The following NECAB1 variants were observed in gnomAD, a reference collection of about 807,000 sequenced individuals.
NECAB1 encodes N-terminal EF-hand calcium binding protein 1.
NECAB1 carries 29 observed loss-of-function variants against 57.5 expected under a neutral mutation model. The ratio of observed to expected loss-of-function variants is 0.50; its 90% CI spans 0.38 to 0.69. The LOEUF (loss-of-function observed/expected upper bound fraction) is 0.69. NECAB1 is among the 30% of genes least tolerant of loss of function. The pLI, the probability that NECAB1 is intolerant of heterozygous loss-of-function variation, is 0.00. For missense variants in NECAB1, 372 were observed against 413.8 expected (o/e 0.90, Z 0.88); for synonymous variants, 142 against 147.7 (o/e 0.96, Z 0.28).
chr8:90,951,243 G>C, intron 12 of NECAB1, 39 bp downstream of exon 12: 1 of 1,242,460 alleles, frequency 8.0e-7, no homozygotes, highest in Non-Finnish European at 1.1e-6. Flanking sequence ...GTGTCCTTTT[G>C]TATTTTTGTT....
chr8:90,927,135 T>A (rs1158193449), intron 7 of NECAB1, among the ~76,000 whole-genome samples: 3 of 151,082 alleles, frequency 2.0e-5, no homozygotes, highest in South Asian at 4.2e-4. Context: ...TATTAGAATT[T>A]AAAAAAAACA....
chr8:90,917,069 G>A (rs112715271), intron 5 of NECAB1, among the ~76,000 whole-genome samples: 1 of 152,084 alleles, frequency 6.6e-6, no homozygotes, highest in Admixed American at 6.6e-5. Flanking sequence ...CTGAAACATG[G>A]TTGCATTTTG....
chr8:90,791,922 C>T lies in NECAB1; in HGVS notation c.36C>T (p.Asn12=). ...EDSQETSPSS[N]NSSEELSSAL... ...CCCAGGAGACATCGCCGTCCTCCAACAACTCCTCGGAGGAGCTCAGCTCTG... is the reference window on the plus strand; with the variant it reads ...CCCAGGAGACATCGCCGTCCTCCAATAACTCCTCGGAGGAGCTCAGCTCTG... The change falls in exon 1 of 13, where the codon AAC becomes AAT. Residue 12 remains asparagine, a synonymous_variant. Coordinates refer to ENST00000417640, the MANE Select transcript of NECAB1 (RefSeq NM_022351.5). 4.5e-6 allele frequency: 7 copies of T among 1,552,498 alleles called. No homozygotes were observed. Among genetic ancestry groups the T allele is most frequent in the Non-Finnish European group, 6.1e-6 (7 of 1,147,534 alleles).
chr8:90,898,584 C>CA (rs1809420495), intron 5 of NECAB1, among the ~76,000 whole-genome samples: 2 of 152,108 alleles, frequency 1.3e-5, no homozygotes, highest in South Asian at 4.1e-4. Context: ...TTCCAATACC[C>CA]CTGTCTTCTT....
intron 10 of NECAB1, among the ~76,000 whole-genome samples, chr8:90,944,967 G>A (rs529663028): frequency 1.7e-4 from 26 of 151,504 alleles, no homozygotes; most frequent in African/African-American, 2.7e-4. Flanking sequence ...GTGCAATCTC[G>A]GCTCACTGCA....
chr8:90,840,089 C>T (rs886557648), intron 3 of NECAB1, among the ~76,000 whole-genome samples: 2 of 152,012 alleles, frequency 1.3e-5, no homozygotes, highest in Non-Finnish European at 2.9e-5. Context: ...CCTGATGTTG[C>T]AAAACAATAA....
At chr8:90,899,776 A>T (rs1406039154) in intron 5 of NECAB1, among the ~76,000 whole-genome samples, 2 of 152,198 alleles carry the variant, frequency 1.3e-5, no homozygotes, top group South Asian at 2.1e-4. Flanking sequence ...CTTTGTCATA[A>T]GAAACTCATA....
At chr8:90,859,518 A>G (rs1563508236) in intron 3 of NECAB1, among the ~76,000 whole-genome samples, 1 of 152,126 alleles carries the variant, frequency 6.6e-6, no homozygotes, top group Non-Finnish European at 1.5e-5. Context: ...ACAAGAAGCA[A>G]GTGGTTGGTT....
chr8:90,906,891 A>ATATATATGTATATATGTATATATATATG (rs1809680355), intron 5 of NECAB1, among the ~76,000 whole-genome samples: 3 of 113,414 alleles, frequency 2.6e-5, no homozygotes, highest in African/African-American at 1.2e-4. Flanking sequence ...ATATATATAT[A>ATATATATGTATATATGTATATATATATG]TATATATATA....
chr8:90,955,580 GAA>G lies in NECAB1; in HGVS notation c.*71_*72del, dbSNP rs547016554. On this transcript the variant is annotated 3_prime_UTR_variant, in exon 13 of 13. Coordinates refer to ENST00000417640, the MANE Select transcript of NECAB1 (RefSeq NM_022351.5). Reference sequence around the variant, plus strand: ...GTGTTCTTATCTAAAACGTCAATTAGAAAATTATCTGCGGTTGTTAATCTACT... The same window carrying G: ...GTGTTCTTATCTAAAACGTCAATTAGAATTATCTGCGGTTGTTAATCTACT... 4,124 of 1,210,046 alleles carry G rather than the reference GAA, an allele frequency of 3.4e-3. 14 individuals are homozygous for G. Among genetic ancestry groups the G allele is most frequent in the Non-Finnish European group, 4.2e-3 (3,639 of 865,300 alleles). 75.0% of individuals were successfully genotyped at this position (1,210,046 alleles called of 1,614,324 possible). A position where few individuals can be genotyped will look rare whatever the true frequency, so the allele number is the denominator to read the frequency against.
In NECAB1 at chr8:90,950,085, A is replaced by G. The variant is rs529622452; in HGVS notation, c.938+201A>G. Among the ~76,000 whole-genome samples the G allele has an allele frequency of 3.3e-5, 5 of 152,260 alleles. No individual in the cohort carries two copies. The South Asian group carries it at 1.0e-3, about 32-fold the overall frequency. Reference sequence around the variant, plus strand: ...ACCACTTCTCTCTTGAAGTACAAATACTTTTGGTAATGATCCCACTTTGAG... The same window carrying G: ...ACCACTTCTCTCTTGAAGTACAAATGCTTTTGGTAATGATCCCACTTTGAG... On this transcript the variant is annotated intron_variant, in intron 11 of 12. Coordinates refer to ENST00000417640, the MANE Select transcript of NECAB1 (RefSeq NM_022351.5).
intron 3 of NECAB1, among the ~76,000 whole-genome samples, chr8:90,833,955 G>A (rs1812329803): frequency 1.3e-5 from 2 of 152,054 alleles, no homozygotes; most frequent in South Asian, 4.2e-4. Context: ...TTGAGATCAA[G>A]AGTTCGAGAC....
intron 6 of NECAB1, among the ~76,000 whole-genome samples, chr8:90,920,154 G>C (rs1220407241): frequency 6.6e-6 from 1 of 152,170 alleles, no homozygotes; most frequent in African/African-American, 2.4e-5. Context: ...TTACATGTCT[G>C]ACTGCAGTTT....
At chr8:90,949,571 T>C (rs1256892295) in intron 10 of NECAB1, among the ~76,000 whole-genome samples, 1 of 152,176 alleles carries the variant, frequency 6.6e-6, no homozygotes, top group Non-Finnish European at 1.5e-5. Flanking sequence ...GTTTTCATGA[T>C]GCAAAACCAG....
intron 4 of NECAB1, among the ~76,000 whole-genome samples, chr8:90,879,241 T>G (rs1272196451): frequency 2.0e-5 from 3 of 147,226 alleles, no homozygotes; most frequent in African/African-American, 7.6e-5. Context: ...CAGGCTGGAG[T>G]GCAGTGGCAC....
chr8:90,906,885 A>ATATATGTGTATATATATATATATGTG lies in NECAB1; in HGVS notation c.358-10602_358-10601insGTGTATATATATATATATGTGTATAT, dbSNP rs1554574061. Among the ~76,000 whole-genome samples, 29 of 120,914 alleles carry ATATATGTGTATATATATATATATGTG rather than the reference A, an allele frequency of 2.4e-4. 1 individual carries two copies. Among genetic ancestry groups the ATATATGTGTATATATATATATATGTG allele is most frequent in the African/African-American group, 9.8e-4 (28 of 28,488 alleles). 79.3% of individuals were successfully genotyped at this position (120,914 alleles called of 152,430 possible). A position where few individuals can be genotyped will look rare whatever the true frequency, so the allele number is the denominator to read the frequency against. ...TTACATATGATATACACATATATATATATATATATATATATATATATATAT... is the reference window on the plus strand; with the variant it reads ...TTACATATGATATACACATATATATATATATGTGTATATATATATATATGTGTATATATATATATATATATATATAT... On this transcript the variant is annotated intron_variant, in intron 5 of 12. Transcript: ENST00000417640.
chr8:90,925,626 A>T lies in NECAB1; in HGVS notation c.586A>T (p.Asn196Tyr). The T allele has an allele frequency of 6.2e-7, 1 of 1,613,824 alleles. No homozygotes were observed. The highest frequency in any genetic ancestry group is 8.5e-7 in the Non-Finnish European group (1 of 1,179,824). Reference sequence around the variant, plus strand: ...CCAGAGACACAACAGCTTCTCCCCAAACAGCCCTCAGTTTAATGTCAGCGG... The same window carrying T: ...CCAGAGACACAACAGCTTCTCCCCATACAGCCCTCAGTTTAATGTCAGCGG... ...RVQRHNSFSPNSPQFNVSGPG... is the reference protein window; with the variant it reads ...RVQRHNSFSPYSPQFNVSGPG... The change falls in exon 7 of 13, where the codon AAC (asparagine) becomes TAC (tyrosine). Residue 196 changes from asparagine to tyrosine, a missense_variant. Transcript: ENST00000417640.
chr8:90,799,855 G>A (rs368267033), intron 1 of NECAB1, among the ~76,000 whole-genome samples: 52 of 152,156 alleles, frequency 3.4e-4, no homozygotes, highest in African/African-American at 1.2e-3. Context: ...GACATTGGTA[G>A]TTTGATAGGA....
intron 3 of NECAB1, among the ~76,000 whole-genome samples, chr8:90,856,699 A>C (rs1812801314): frequency 6.6e-6 from 1 of 152,212 alleles, no homozygotes; most frequent in Non-Finnish European, 1.5e-5. Context: ...ACAAAACTTT[A>C]AAAGAACTAC....
Sources: allele counts gnomAD v4.1 joint callset (sites outside exome capture counted in the v4.1 genomes callset), GRCh38; gene constraint gnomAD v4.1.1; transcripts MANE v1.5; gene names NCBI Gene and HGNC (gene_info 2026-07-23, HGNC 2026-07-21).